USH2A: variants seen among roughly 807,000 people sequenced by gnomAD.
USH2A encodes the protein usherin, also known as Usher syndrome 2A (autosomal recessive, mild).
Under a neutral mutation model 538.9 loss-of-function variants are expected in USH2A, and 443 were observed. The ratio of observed to expected loss-of-function variants is 0.82; its 90% CI spans 0.76 to 0.89. The LOEUF (loss-of-function observed/expected upper bound fraction) is 0.89, where lower values mean the gene tolerates loss of function less well. Among genes scored for constraint, USH2A ranks in the 40% least tolerant of loss-of-function variants. USH2A has a pLI of 0.00. For missense variants in USH2A, 6,633 were observed against 6,324.8 expected (o/e 1.05, Z -1.65); for synonymous variants, 2,413 against 2,273.5 (o/e 1.06, Z -1.75).
At chr1:216,349,098 A>C (rs755244945) in intron 4 of USH2A, among the ~76,000 whole-genome samples, 2 of 152,090 alleles carry the variant, frequency 1.3e-5, no homozygotes, top group Non-Finnish European at 2.9e-5. Flanking sequence ...TGTTTTCTTA[A>C]ATTAAATACT....
intron 61 of USH2A, among the ~76,000 whole-genome samples, chr1:215,681,054 A>T (rs1220523506): frequency 6.6e-6 from 1 of 152,180 alleles, no homozygotes; most frequent in African/African-American, 2.4e-5. Flanking sequence ...TACCAAAAGT[A>T]ATTGTTAGCT....
intron 43 of USH2A, among the ~76,000 whole-genome samples, chr1:215,867,523 A>C (rs1664506511): frequency 1.3e-5 from 2 of 152,246 alleles, no homozygotes; most frequent in Non-Finnish European, 2.9e-5. Flanking sequence ...CAAATCAGGC[A>C]ACCTGCCAGC....
chr1:216,410,531 T>G (rs1558076223), intron 3 of USH2A, among the ~76,000 whole-genome samples: 1 of 152,006 alleles, frequency 6.6e-6, no homozygotes, highest in Non-Finnish European at 1.5e-5. Context: ...AAGAAAGAAA[T>G]AATGCCTGCG....
chr1:216,217,984 A>G (rs2102497259), intron 14 of USH2A, among the ~76,000 whole-genome samples: 2 of 152,194 alleles, frequency 1.3e-5, no homozygotes, highest in South Asian at 4.1e-4. Context: ...GCGAAATAGA[A>G]AATCAGGGGT....
At chr1:215,788,915 C>CCAAAA (rs142498202) in intron 51 of USH2A, among the ~76,000 whole-genome samples, 7,306 of 149,492 alleles carry the variant, frequency 0.049, 379 homozygotes, top group African/African-American at 0.14. Context: ...AACTTGGAAT[C>CCAAAA]CAAAACAAAA....
chr1:216,166,600 C>T lies in USH2A; in HGVS notation c.4627+8652G>A, dbSNP rs868128015. Among the ~76,000 whole-genome samples, 5 of 152,042 alleles carry T rather than the reference C, an allele frequency of 3.3e-5. No individual in the cohort carries two copies. The South Asian group carries it at 1.0e-3, about 32-fold the overall frequency. On this transcript the variant is annotated intron_variant, in intron 21 of 71. Coordinates refer to ENST00000307340, the MANE Select transcript of USH2A (RefSeq NM_206933.4). ...AGCAGGTAGTTCCAAGAGATGTATC[C>T]GAGGAAGAACGGCCAGAGGAGGAAT...
intron 58 of USH2A, among the ~76,000 whole-genome samples, chr1:215,744,961 G>A (rs1011110073): frequency 3.3e-5 from 5 of 151,984 alleles, no homozygotes; most frequent in African/African-American, 1.2e-4. Flanking sequence ...CTATCTTTCC[G>A]GTATTACAGC....
At chr1:215,790,350 A>T (rs1412691685) in intron 50 of USH2A, 68 bp from the exon 51 acceptor site, 1 of 1,566,056 alleles carries the variant, frequency 6.4e-7, no homozygotes, top group Non-Finnish European at 8.7e-7. Context: ...GCTGCTATAA[A>T]GTTTGGTATA....
At chr1:215,796,272 T>C (rs988876476) in intron 50 of USH2A, among the ~76,000 whole-genome samples, 1 of 151,960 alleles carries the variant, frequency 6.6e-6, no homozygotes, top group African/African-American at 2.4e-5. Flanking sequence ...TGCATTTTTT[T>C]ACAAATTGAA....
intron 38 of USH2A, among the ~76,000 whole-genome samples, chr1:215,924,862 A>G (rs1666196785): frequency 6.6e-6 from 1 of 151,998 alleles, no homozygotes; most frequent in Non-Finnish European, 1.5e-5. Context: ...GTGTATTTCT[A>G]TATAATCCAC....
intron 3 of USH2A, among the ~76,000 whole-genome samples, chr1:216,371,732 A>G (rs545182378): frequency 1.3e-5 from 2 of 152,216 alleles, no homozygotes; most frequent in South Asian, 2.1e-4. Flanking sequence ...TCATTTGCAA[A>G]TTTGATGAGC....
intron 20 of USH2A, among the ~76,000 whole-genome samples, chr1:216,185,574 T>TA (rs141183808): frequency 7.8e-4 from 119 of 152,038 alleles, no homozygotes; most frequent in African/African-American, 2.7e-3. Context: ...TATGAGCTAT[T>TA]AGACATAAGA....
chr1:216,046,366 A>G (rs775257116), intron 32 of USH2A, 65 bp downstream of exon 32: 328 of 1,597,324 alleles, frequency 2.1e-4, no homozygotes, highest in Non-Finnish European at 2.7e-4. Flanking sequence ...TCGAGAGCCA[A>G]CTATATGTAT....
At chr1:216,092,108 GA>G (rs2032316894) in intron 22 of USH2A, among the ~76,000 whole-genome samples, 3 of 152,164 alleles carry the variant, frequency 2.0e-5, no homozygotes, top group Admixed American at 1.3e-4. Context: ...TTGTAAGCCA[GA>G]AAAATGGATA....
chr1:216,081,837 C>T (rs942756074), intron 26 of USH2A, among the ~76,000 whole-genome samples: 5 of 152,032 alleles, frequency 3.3e-5, no homozygotes, highest in Non-Finnish European at 7.4e-5. Flanking sequence ...AAGCTACCCT[C>T]CTATAATCCC....
At chr1:215,650,950 A>C in intron 64 of USH2A, 149 bp from the exon 65 acceptor site, 1 of 839,042 alleles carries the variant, frequency 1.2e-6, no homozygotes, top group Non-Finnish European at 1.9e-6. Flanking sequence ...GCAACCTTGT[A>C]ATCACACAGG....
chr1:216,285,764 C>T lies in USH2A; in HGVS notation c.1971+3516G>A, dbSNP rs553917696. On this transcript the variant is annotated intron_variant, in intron 11 of 71. Transcript: ENST00000307340. ...GAGCTGCCCAAGGCTGTGGGAGCTA[C>T]CTCTTGCATCAGCATGCCCTGGATG... Among the ~76,000 whole-genome samples the T allele has an allele frequency of 1.9e-3, 283 of 152,330 alleles. 3 individuals carry two copies. Among genetic ancestry groups the T allele is most frequent in the African/African-American group, 6.6e-3 (276 of 41,576 alleles).
chr1:215,775,741 A>G (rs1406711339), intron 55 of USH2A, among the ~76,000 whole-genome samples: 1 of 152,232 alleles, frequency 6.6e-6, no homozygotes, highest in Non-Finnish European at 1.5e-5. Context: ...AGTGTAAGGT[A>G]TCTGTTTCAG....
intron 25 of USH2A, among the ~76,000 whole-genome samples, chr1:216,084,037 C>T (rs1220540816): frequency 1.3e-5 from 2 of 152,004 alleles, no homozygotes; most frequent in African/African-American, 4.8e-5. Flanking sequence ...ATATAGGAGG[C>T]AGTGATGGGC....
Sources: allele counts gnomAD v4.1 joint callset (sites outside exome capture counted in the v4.1 genomes callset), GRCh38; gene constraint gnomAD v4.1.1; transcripts MANE v1.5; gene names NCBI Gene and HGNC (gene_info 2026-07-23, HGNC 2026-07-21).